Variants in DLGAP4 observed in about 807,000 individuals in gnomAD.
DLGAP4 encodes the protein disks large-associated protein 4.
DLGAP4 carries 18 observed loss-of-function variants against 86.9 expected under a neutral mutation model. That is an observed-to-expected ratio of 0.21 (90% CI 0.14 to 0.31). The LOEUF (loss-of-function observed/expected upper bound fraction) is 0.31. DLGAP4 is among the 10% of genes least tolerant of loss of function. The pLI is 1.00. For missense variants in DLGAP4, 1,085 were observed against 1,362.6 expected, an observed-to-expected ratio of 0.80 and a Z score of 3.21; for synonymous variants, 548 against 574.3, an observed-to-expected ratio of 0.95 and a Z score of 0.65.
chr20:36,362,711 T>C (rs2030561249), intron 1 of DLGAP4, among the ~76,000 whole-genome samples: 1 of 152,210 alleles, frequency 6.6e-6, no homozygotes, highest in African/African-American at 2.4e-5. Flanking sequence ...GCTGACACTT[T>C]AGTGAGAGGA....
chr20:36,442,688 C>T, intron 5 of DLGAP4, 39 bp from the exon 6 acceptor site: 1 of 1,612,594 alleles, frequency 6.2e-7, no homozygotes, highest in Non-Finnish European at 8.5e-7. Flanking sequence ...CAGCCCCAGC[C>T]CTGGTCCTTC....
At chr20:36,483,875 C>T (rs2035297108) in intron 7 of DLGAP4, among the ~76,000 whole-genome samples, 1 of 152,224 alleles carries the variant, frequency 6.6e-6, no homozygotes, top group Non-Finnish European at 1.5e-5. Context: ...CACCCTCTAA[C>T]CCACTCAGGA....
At position 36,496,940 on chromosome 20, in the gene DLGAP4, A is replaced by G. The variant is rs746843925; in HGVS notation, c.1884A>G (p.Pro628=). ...GCGTGACACGGGGTGGAGTCGCCCC[A>G]GCCCCTGAGGCCCCAGAGCCACCCC... ...PPSVTRGGVA[P]APEAPEPPPK... is the part of the protein sequence containing the mutation. Residue 628 remains proline (P), a synonymous_variant, in exon 8 of 13, where the codon CCA becomes CCG. Transcript: ENST00000339266. The G allele has an allele frequency of 1.2e-6, 2 of 1,614,124 alleles. No homozygotes were observed. The highest frequency in any genetic ancestry group is 2.2e-5 in the South Asian group (2 of 91,082).
Position 36,527,110 on chromosome 20 carries a change from A to C in DLGAP4, c.*79A>C. ...GTGCGAACGGAACAGAGTTTTCTCA[A>C]CCTTTGCTATGGTTATTCTGTCTAG... On this transcript the variant is annotated 3_prime_UTR_variant, in exon 13 of 13. Coordinates refer to ENST00000339266, the MANE Select transcript of DLGAP4 (RefSeq NM_001365621.2). 7.2e-7 allele frequency: 1 copy of C among 1,394,232 alleles called. No homozygotes were observed. The highest frequency in any genetic ancestry group is 9.6e-7 in the Non-Finnish European group (1 of 1,036,340). The allele number at this position is 1,394,232 out of a possible 1,614,324, so 86.4% of individuals were successfully genotyped here. A position where few individuals can be genotyped will look rare whatever the true frequency, so the allele number is the denominator to read the frequency against.
At chr20:36,519,072 G>A (rs909521026) in intron 10 of DLGAP4, among the ~76,000 whole-genome samples, 8 of 151,438 alleles carry the variant, frequency 5.3e-5, no homozygotes, top group South Asian at 4.2e-4. Flanking sequence ...AGCCGAGATC[G>A]TACCACTGCA....
At chr20:36,323,502 G>T (rs995658844) in intron 1 of DLGAP4, among the ~76,000 whole-genome samples, 1 of 152,136 alleles carries the variant, frequency 6.6e-6, no homozygotes, top group Non-Finnish European at 1.5e-5. Flanking sequence ...CCATTCTATT[G>T]TTGATAGACT....
intron 8 of DLGAP4, chr20:36,499,174 G>T: frequency 1.9e-6 from 2 of 1,025,932 alleles, no homozygotes; most frequent in Non-Finnish European, 2.8e-6. Context: ...CTGTGGCTTT[G>T]TGTGTGTGTG....
At chr20:36,403,268 A>AAG (rs1323993910) in intron 2 of DLGAP4, among the ~76,000 whole-genome samples, 1 of 152,198 alleles carries the variant, frequency 6.6e-6, no homozygotes, top group African/African-American at 2.4e-5. Context: ...CAGAAGGTCA[A>AAG]AGAGAGAGAG....
chr20:36,421,213 T>C (rs1204482569), intron 2 of DLGAP4, among the ~76,000 whole-genome samples: 1 of 151,976 alleles, frequency 6.6e-6, no homozygotes, highest in Non-Finnish European at 1.5e-5. Flanking sequence ...CCCAGCACTT[T>C]GGGAGGCCGA....
intron 7 of DLGAP4, among the ~76,000 whole-genome samples, chr20:36,486,149 C>A (rs533559087): frequency 1.3e-5 from 2 of 152,226 alleles, no homozygotes; most frequent in African/African-American, 4.8e-5. Flanking sequence ...ATTTACTGAG[C>A]CCAACCATGT....
intron 2 of DLGAP4, among the ~76,000 whole-genome samples, chr20:36,396,757 G>A (rs2032014112): frequency 6.6e-6 from 1 of 151,996 alleles, no homozygotes; most frequent in East Asian, 1.9e-4. Flanking sequence ...TCACCCTGAA[G>A]GCAGCCCTAC....
chr20:36,415,609 C>T (rs1249016971), intron 2 of DLGAP4, among the ~76,000 whole-genome samples: 1 of 152,168 alleles, frequency 6.6e-6, no homozygotes, highest in Admixed American at 6.5e-5. Context: ...CTCCCAACAA[C>T]CCTTTGAGGA....
chr20:36,454,770 C>T (rs1389380621), intron 7 of DLGAP4, among the ~76,000 whole-genome samples: 1 of 152,184 alleles, frequency 6.6e-6, no homozygotes, highest in Admixed American at 6.5e-5. Flanking sequence ...TGTAGGGGAG[C>T]GGCAGTTATT....
Position 36,432,592 on chromosome 20 carries a change from G to A in DLGAP4, c.875G>A (p.Gly292Asp), listed in dbSNP as rs1162040494. The change falls in exon 3 of 13, where the codon GGC becomes GAC. Residue 292 changes from glycine to aspartate, a missense_variant. Around this residue, in one of 2 missense-constraint regions of DLGAP4, gnomAD observed 1,082 missense variants for 1,344.1 expected, o/e 0.81. Transcript: ENST00000339266. The surrounding 1 kb of genome is among the most constrained non-coding windows in gnomAD (Gnocchi z 6.5). ...VGTDTNYVKR[G>D]SWSTLTLSHA... ...ACTGACACCAACTACGTCAAACGGG[G>A]CTCCTGGTCCACTCTGACCCTCAGC... 1 of 1,611,958 alleles carries A rather than the reference G, an allele frequency of 6.2e-7. No individual in the cohort carries two copies. Among genetic ancestry groups the A allele is most frequent in the South Asian group, 1.1e-5 (1 of 90,448 alleles).
intron 7 of DLGAP4, among the ~76,000 whole-genome samples, chr20:36,450,988 A>G (rs1314698383): frequency 6.6e-6 from 1 of 152,180 alleles, no homozygotes; most frequent in Non-Finnish European, 1.5e-5. Context: ...CTTCTCCATC[A>G]GCATTTTTGG....
At chr20:36,444,907 T>G (rs1485869039) in intron 6 of DLGAP4, among the ~76,000 whole-genome samples, 1 of 152,042 alleles carries the variant, frequency 6.6e-6, no homozygotes, top group East Asian at 2.0e-4. Context: ...CCCAAAGTGC[T>G]GGGATTACAG....
intron 7 of DLGAP4, among the ~76,000 whole-genome samples, chr20:36,472,927 G>T (rs1449974427): frequency 6.6e-6 from 1 of 152,162 alleles, no homozygotes; most frequent in Admixed American, 6.5e-5. Context: ...AGGGAGAGGC[G>T]CCAGGCTACA....
intron 1 of DLGAP4, among the ~76,000 whole-genome samples, chr20:36,347,230 T>G (rs904347175): frequency 5.3e-5 from 8 of 152,152 alleles, no homozygotes; most frequent in Non-Finnish European, 1.0e-4. Context: ...CAGAGGGTCA[T>G]TCAGAAGAGT....
At chr20:36,312,138 G>A (rs2065058724) in intron 1 of DLGAP4, among the ~76,000 whole-genome samples, 2 of 152,290 alleles carry the variant, frequency 1.3e-5, no homozygotes, top group South Asian at 4.1e-4. Context: ...GGGCATCAGA[G>A]GAGAACTGTG....
Sources: allele counts gnomAD v4.1 joint callset (sites outside exome capture counted in the v4.1 genomes callset), GRCh38; gene constraint gnomAD v4.1.1; regional missense constraint gnomAD v4.1.1; non-coding constraint Gnocchi (gnomAD v3.1); transcripts MANE v1.5; gene names NCBI Gene and HGNC (gene_info 2026-07-23, HGNC 2026-07-21).